ARMH1: variants seen among roughly 807,000 people sequenced by gnomAD.
ARMH1 encodes the protein armadillo-like helical domain containing protein 1.
In ARMH1, 34 loss-of-function variants were observed where a neutral mutation model predicts 50.2. The observed-to-expected ratio is 0.68, with a 90% CI of 0.51 to 0.90. ARMH1 has a LOEUF of 0.90. Among genes scored for constraint, ARMH1 ranks in the 40% least tolerant of loss-of-function variants. ARMH1 has a pLI of 0.00. For missense variants in ARMH1, 538 were observed against 553.9 expected (o/e 0.97, Z 0.29); for synonymous variants, 221 against 224.2 (o/e 0.99, Z 0.13).
rs1434074056 is a variant in ARMH1, at chr1:44,702,077, C to T, written c.639+958C>T. ...CTATGATGGCACCACTGCACTCCAGCCTGAGTGATAGAGTGAGACCCTGTC... is the reference window on the plus strand; with the variant it reads ...CTATGATGGCACCACTGCACTCCAGTCTGAGTGATAGAGTGAGACCCTGTC... On this transcript the variant is annotated intron_variant, in intron 5 of 11. Transcript: ENST00000535358. Among the ~76,000 whole-genome samples, 3 of 152,226 alleles carry T rather than the reference C, an allele frequency of 2.0e-5. No individual in the cohort carries two copies. The East Asian group carries it at 5.8e-4, about 29-fold the overall frequency.
At chr1:44,685,444 A>T (rs1645438602) in intron 1 of ARMH1, among the ~76,000 whole-genome samples, 1 of 151,250 alleles carries the variant, frequency 6.6e-6, no homozygotes, top group African/African-American at 2.4e-5. Context: ...CCTCCCAAGT[A>T]GCTGAAACTA....
intron 4 of ARMH1, among the ~76,000 whole-genome samples, chr1:44,700,348 T>C (rs2148660480): frequency 6.6e-6 from 1 of 152,296 alleles, no homozygotes; most frequent in Admixed American, 6.5e-5. Flanking sequence ...CCGGGCGCCG[T>C]GGCTCACGCC....
At chr1:44,690,089 G>A (rs1320623076) in intron 2 of ARMH1, among the ~76,000 whole-genome samples, 186 bp downstream of exon 2, 5 of 152,090 alleles carry the variant, frequency 3.3e-5, no homozygotes, top group African/African-American at 1.2e-4. Flanking sequence ...GTGGTGGCAG[G>A]TGCCTGTAAC....
chr1:44,687,750 A>T (rs1023465557), intron 1 of ARMH1, among the ~76,000 whole-genome samples: 1 of 152,162 alleles, frequency 6.6e-6, no homozygotes, highest in Admixed American at 6.5e-5. Context: ...CACCACATAC[A>T]TAAGATTTAC....
At chr1:44,721,803 A>C (rs910093886) in intron 6 of ARMH1, 2 of 151,204 alleles carry the variant, frequency 1.3e-5, no homozygotes, top group Non-Finnish European at 2.9e-5. Context: ...CCTAGGCAAG[A>C]CTTCAAAAAA....
chr1:44,719,167 C>A (rs965380387), intron 6 of ARMH1, among the ~76,000 whole-genome samples: 1 of 152,106 alleles, frequency 6.6e-6, no homozygotes, highest in Non-Finnish European at 1.5e-5. Flanking sequence ...CACAGGATGT[C>A]TTTGAAGATC....
intron 6 of ARMH1, among the ~76,000 whole-genome samples, chr1:44,717,536 CT>C (rs1646904076): frequency 6.6e-6 from 1 of 152,202 alleles, no homozygotes; most frequent in South Asian, 2.1e-4. Context: ...ACCTGGCTTC[CT>C]TTGTGTTCCC....
chr1:44,704,212 C>G, intron 6 of ARMH1, 39 bp downstream of exon 6: 1 of 1,421,854 alleles, frequency 7.0e-7, no homozygotes, highest in Non-Finnish European at 9.7e-7. Flanking sequence ...GCACCGAGAG[C>G]CAGACATATC....
At chr1:44,712,668 CTTTTTTT>C (rs1016685704) in intron 6 of ARMH1, among the ~76,000 whole-genome samples, 5 of 139,000 alleles carry the variant, frequency 3.6e-5, no homozygotes, top group Non-Finnish European at 6.3e-5. Flanking sequence ...CTTCTTTTTT[CTTTTTTT>C]TTTTTTGAGA....
At chr1:44,720,847 C>A (rs547112449) in intron 6 of ARMH1, among the ~76,000 whole-genome samples, 2 of 152,074 alleles carry the variant, frequency 1.3e-5, no homozygotes, top group Middle Eastern at 3.4e-3. Context: ...ACCAGCCTGG[C>A]CAACATAGTG....
rs1645894211 is a variant in ARMH1 at position 44,698,206 on chromosome 1, A to G, written c.419A>G (p.Lys140Arg). Residue 140 changes from lysine (K) to arginine (R), a missense_variant, in exon 4 of 12, where the codon AAG (lysine) becomes AGG (arginine). Physicochemically the swap from Lys to Arg is conservative, Grantham distance 26. Coordinates refer to ENST00000535358, the MANE Select transcript of ARMH1 (RefSeq NM_001145636.2). ...ATTGCGAACTCTGGCAGGACATACA[A>G]GGAACTCATTTGTGAAAGCTATGGT... Reference protein sequence around the residue: ...QVIANSGRTYKELICESYGVR... With the variant: ...QVIANSGRTYRELICESYGVR... 2 of 1,552,076 alleles carry G rather than the reference A, an allele frequency of 1.3e-6. No homozygotes were observed. Among genetic ancestry groups the G allele is most frequent in the African/African-American group, 1.4e-5 (1 of 73,038 alleles).
At chr1:44,725,238 G>C (rs1310284382) in intron 11 of ARMH1, 21 bp downstream of exon 11, 1 of 1,551,730 alleles carries the variant, frequency 6.4e-7, no homozygotes, top group Non-Finnish European at 8.7e-7. Flanking sequence ...GACGAGGGAA[G>C]CCGGGCGCAG....
chr1:44,696,369 A>T (rs918609461), intron 2 of ARMH1, among the ~76,000 whole-genome samples: 9 of 152,218 alleles, frequency 5.9e-5, no homozygotes, highest in African/African-American at 2.2e-4. Flanking sequence ...CATGAGCTGC[A>T]GTAATTTCAG....
chr1:44,701,138 C>T lies in ARMH1; in HGVS notation c.639+19C>T. ...TGCCCAGGTGAGCCAAGGCTGCATG[C>T]TCCTGTGGTTCTGATTCAGATGCAA... On this transcript the variant is annotated intron_variant, in intron 5 of 11. Transcript: ENST00000535358. The T allele has an allele frequency of 6.5e-7, 1 of 1,529,598 alleles. No homozygotes were observed. The allele number at this position is 1,529,598 out of a possible 1,614,324, so 94.8% of individuals were successfully genotyped here.
intron 6 of ARMH1, among the ~76,000 whole-genome samples, chr1:44,717,441 A>G (rs572203939): frequency 1.3e-5 from 2 of 152,132 alleles, no homozygotes; most frequent in African/African-American, 4.8e-5. Context: ...CCTTCTCCCT[A>G]TGGTTTTGCC....
intron 1 of ARMH1, among the ~76,000 whole-genome samples, chr1:44,684,039 G>A (rs572457092): frequency 7.2e-5 from 11 of 151,818 alleles, no homozygotes; most frequent in Middle Eastern, 3.4e-3. Flanking sequence ...GTGTGTGTGC[G>A]TATGGTGTGT....
At chr1:44,690,364 A>G in intron 2 of ARMH1, among the ~76,000 whole-genome samples, 1 of 152,182 alleles carries the variant, frequency 6.6e-6, no homozygotes, top group East Asian at 1.9e-4. Flanking sequence ...CTTAGAGTCA[A>G]GAACTCTCTC....
chr1:44,696,453 T>C (rs1426639577), intron 2 of ARMH1, among the ~76,000 whole-genome samples: 3 of 152,248 alleles, frequency 2.0e-5, no homozygotes, highest in Admixed American at 2.0e-4. Flanking sequence ...CCTTTTCTGT[T>C]GTGGCTTGAT....
At chr1:44,715,486 C>T (rs558571965) in intron 6 of ARMH1, among the ~76,000 whole-genome samples, 6 of 152,308 alleles carry the variant, frequency 3.9e-5, no homozygotes, top group African/African-American at 9.6e-5. Context: ...AGTTCCTCTT[C>T]GGATTGGAGC....
Sources: allele counts gnomAD v4.1 joint callset (sites outside exome capture counted in the v4.1 genomes callset), GRCh38; gene constraint gnomAD v4.1.1; transcripts MANE v1.5; gene names NCBI Gene and HGNC (gene_info 2026-07-23, HGNC 2026-07-21).